The following STX7 variants were observed in gnomAD, a reference collection of about 807,000 sequenced individuals.
STX7 encodes the protein syntaxin 7.
Under a neutral mutation model 39.6 loss-of-function variants are expected in STX7, and 34 were observed. The ratio of observed to expected loss-of-function variants is 0.86; its 90% CI spans 0.65 to 1.14. The LOEUF (loss-of-function observed/expected upper bound fraction) is 1.14, where lower values mean the gene tolerates loss of function less well. STX7 is among the 50% of genes most tolerant of loss of function. The pLI is 0.00. For missense variants in STX7, 284 were observed against 310.4 expected, an observed-to-expected ratio of 0.92 and a Z score of 0.64; for synonymous variants, 119 against 99.1, an observed-to-expected ratio of 1.20 and a Z score of -1.19.
At position 132,460,684 on chromosome 6, in the gene STX7, TA is replaced by T. The variant is rs1242766966; in HGVS notation, c.*73del. On this transcript the variant is annotated 3_prime_UTR_variant, in exon 10 of 10. Transcript: ENST00000367941. ...TATACAATAGCTTTAAAATAATAAT[TA>T]AAAAAACATGATTACAGGAATCTTC... 4.2e-6 allele frequency: 5 copies of T among 1,184,128 alleles called. No individual in the cohort carries two copies. Among genetic ancestry groups the T allele is most frequent in the Non-Finnish European group, 6.1e-6 (5 of 826,064 alleles). The allele number at this position is 1,184,128 out of a possible 1,614,324, so 73.4% of individuals were successfully genotyped here.
Position 132,459,907 on chromosome 6 carries a change from A to G in STX7, c.*851T>C, listed in dbSNP as rs1440643590. The G allele has an allele frequency of 6.6e-6, 1 of 152,200 alleles. No individual in the cohort carries two copies. Among genetic ancestry groups the G allele is most frequent in the Non-Finnish European group, 1.5e-5 (1 of 68,036 alleles). 9.4% of individuals were successfully genotyped at this position (152,200 alleles called of 1,614,324 possible). A position where few individuals can be genotyped will look rare whatever the true frequency, so the allele number is the denominator to read the frequency against. Reference sequence around the variant, plus strand: ...ACCATTATTCTATAAGACATAAGGGAAGGTAAATAATGGCCCACAAAACCA... The same window carrying G: ...ACCATTATTCTATAAGACATAAGGGGAGGTAAATAATGGCCCACAAAACCA... On this transcript the variant is annotated 3_prime_UTR_variant, in exon 10 of 10. Coordinates refer to ENST00000367941, the MANE Select transcript of STX7 (RefSeq NM_003569.3).
At position 132,471,509 on chromosome 6, in the gene STX7, CGCTCAGCA is replaced by C; in HGVS notation, c.333_340del (p.Ala112ArgfsTer20). The C allele has an allele frequency of 6.2e-7, 1 of 1,614,016 alleles. No individual in the cohort carries two copies. Among genetic ancestry groups the C allele is most frequent in the Non-Finnish European group, 8.5e-7 (1 of 1,179,926 alleles). On this transcript the variant is annotated frameshift_variant, in exon 5 of 10. Transcript: ENST00000367941. LOFTEE classifies it high-confidence loss of function. Reference sequence around the variant, plus strand: ...TACTCGAGCAACAAACTCTTTCTCTCGCTCAGCAGCCTGCCTCTGGACCTTCTGGAAGT... The same window carrying C: ...TACTCGAGCAACAAACTCTTTCTCTCGCCTGCCTCTGGACCTTCTGGAAGT...
At chr6:132,485,074 G>C (rs1451662526) in intron 2 of STX7, among the ~76,000 whole-genome samples, 1 of 152,108 alleles carries the variant, frequency 6.6e-6, no homozygotes, top group Non-Finnish European at 1.5e-5. Flanking sequence ...TTACAAGTTT[G>C]GACATATGTG....
intron 1 of STX7, among the ~76,000 whole-genome samples, chr6:132,508,847 A>G (rs771011887): frequency 4.6e-5 from 7 of 152,174 alleles, no homozygotes; most frequent in Non-Finnish European, 8.8e-5. Flanking sequence ...GCAATTTGCA[A>G]AAGATAGAGA....
At chr6:132,463,444 C>G (rs1014781258) in intron 9 of STX7, among the ~76,000 whole-genome samples, 11 of 151,844 alleles carry the variant, frequency 7.2e-5, no homozygotes, top group South Asian at 4.2e-4. Flanking sequence ...ATGTGGACTC[C>G]CTATATTAAC....
rs1774366733 is a variant in STX7, at chr6:132,460,614, C to A, written c.*144G>T. 4 of 569,892 alleles carry A rather than the reference C, an allele frequency of 7.0e-6. No individual in the cohort carries two copies. The highest frequency in any genetic ancestry group is 3.7e-5 in the Admixed American group (1 of 27,170). The allele number at this position is 569,892 out of a possible 1,614,324, so 35.3% of individuals were successfully genotyped here. A position where few individuals can be genotyped will look rare whatever the true frequency, so the allele number is the denominator to read the frequency against. ...TATCAGATTTAATCCAAAGGAACCA[C>A]CCCAACCCCCCCAATAAAAATAACA... On this transcript the variant is annotated 3_prime_UTR_variant, in exon 10 of 10. Coordinates refer to ENST00000367941, the MANE Select transcript of STX7 (RefSeq NM_003569.3).
intron 2 of STX7, among the ~76,000 whole-genome samples, chr6:132,489,881 T>C (rs928912915): frequency 1.3e-5 from 2 of 152,230 alleles, no homozygotes; most frequent in African/African-American, 4.8e-5. Flanking sequence ...ATTTTAAAGC[T>C]ATTGTAGATT....
Position 132,460,200 on chromosome 6 carries a change from C to T in STX7, c.*558G>A, listed in dbSNP as rs3183732. On this transcript the variant is annotated 3_prime_UTR_variant, in exon 10 of 10. Coordinates refer to ENST00000367941, the MANE Select transcript of STX7 (RefSeq NM_003569.3). ...TCAAATAAACTAGAAAAGTATTCAC[C>T]GACTTCAGGGTAAAAAAGATCTTAA... is the stretch of plus-strand genomic sequence containing the variant. The T allele has an allele frequency of 0.32, 48,672 of 151,872 alleles. 8,537 individuals carry two copies. The highest frequency in any genetic ancestry group is 0.7 in the East Asian group (3,614 of 5,166). 9.4% of individuals were successfully genotyped at this position (151,872 alleles called of 1,614,324 possible).
At position 132,451,065 on chromosome 6, in the gene STX7, CTG is replaced by C. The variant is rs1774126112; in HGVS notation, c.*9691_*9692del. The C allele has an allele frequency of 6.7e-6, 1 of 150,370 alleles. No individual in the cohort carries two copies. The highest frequency in any genetic ancestry group is 1.5e-5 in the Non-Finnish European group (1 of 67,670). The allele number at this position is 150,370 out of a possible 1,614,324, so 9.3% of individuals were successfully genotyped here. A position where few individuals can be genotyped will look rare whatever the true frequency, so the allele number is the denominator to read the frequency against. ...ATAGGGACCAAAACAATTTAAAAAA[CTG>C]GATTTCTCATGGGGAACCATGAAAT... On this transcript the variant is annotated 3_prime_UTR_variant, in exon 10 of 10. Coordinates refer to ENST00000367941, the MANE Select transcript of STX7 (RefSeq NM_003569.3).
Position 132,504,948 on chromosome 6 carries a change from G to A in STX7, c.-58-1360C>T, listed in dbSNP as rs140075377. Among the ~76,000 whole-genome samples, 557 of 152,320 alleles carry A rather than the reference G, an allele frequency of 3.7e-3. 2 individuals carry two copies. Among genetic ancestry groups the A allele is most frequent in the African/African-American group, 0.012 (498 of 41,558 alleles). On this transcript the variant is annotated intron_variant, in intron 1 of 9. Coordinates refer to ENST00000367941, the MANE Select transcript of STX7 (RefSeq NM_003569.3). Reference sequence around the variant, plus strand: ...ACGTGGAAAGGCCACATGCAGTATGGTATTTACAAAAGGAAGGGAAGGTTC... The same window carrying A: ...ACGTGGAAAGGCCACATGCAGTATGATATTTACAAAAGGAAGGGAAGGTTC...
chr6:132,512,341 TTGTC>T (rs1371728597), intron 1 of STX7, among the ~76,000 whole-genome samples: 4 of 152,172 alleles, frequency 2.6e-5, no homozygotes, highest in African/African-American at 7.2e-5. Context: ...CTTTTTTTCT[TTGTC>T]TGAATTTAAA....
intron 2 of STX7, among the ~76,000 whole-genome samples, chr6:132,479,172 A>G (rs886836557): frequency 2.0e-5 from 3 of 152,196 alleles, no homozygotes; most frequent in Admixed American, 6.5e-5. Context: ...CTCAAGTACA[A>G]ATGAGAAACA....
At chr6:132,471,430 G>A in intron 5 of STX7, 33 bp downstream of exon 5, 1 of 1,595,674 alleles carries the variant, frequency 6.3e-7, no homozygotes, top group Non-Finnish European at 8.5e-7. Flanking sequence ...AAGTAACCAT[G>A]TTCATTTCTA....
At chr6:132,461,151 T>C (rs1215867208) in intron 9 of STX7, among the ~76,000 whole-genome samples, 3 of 152,190 alleles carry the variant, frequency 2.0e-5, no homozygotes, top group Non-Finnish European at 4.4e-5. Flanking sequence ...CTAAATAAGT[T>C]ACTGACTTAA....
intron 3 of STX7, 77 bp downstream of exon 3, chr6:132,475,516 C>T (rs1325403177): frequency 1.0e-6 from 1 of 995,258 alleles, no homozygotes; most frequent in South Asian, 1.7e-5. Context: ...ACATAATATA[C>T]TACATACTGT....
chr6:132,500,275 C>T (rs948673469), intron 2 of STX7, among the ~76,000 whole-genome samples: 3 of 152,222 alleles, frequency 2.0e-5, no homozygotes. Flanking sequence ...TCTAAACTTC[C>T]TGAACCACCT....
At chr6:132,510,850 C>T (rs1162244762) in intron 1 of STX7, among the ~76,000 whole-genome samples, 1 of 152,148 alleles carries the variant, frequency 6.6e-6, no homozygotes, top group African/African-American at 2.4e-5. Context: ...AAGGAATGAA[C>T]AAAAGGAATG....
At chr6:132,471,745 G>T in intron 4 of STX7, 145 bp from the exon 5 acceptor site, 1 of 904,792 alleles carries the variant, frequency 1.1e-6, no homozygotes, top group Non-Finnish European at 1.6e-6. Context: ...GTAACATTCT[G>T]ATAGTATGTC....
At chr6:132,474,840 T>C (rs992841723) in intron 3 of STX7, among the ~76,000 whole-genome samples, 2 of 152,226 alleles carry the variant, frequency 1.3e-5, no homozygotes, top group Non-Finnish European at 2.9e-5. Context: ...GAATATGTAC[T>C]ATATAATTCA....
Sources: allele counts gnomAD v4.1 joint callset (sites outside exome capture counted in the v4.1 genomes callset), GRCh38; gene constraint gnomAD v4.1.1; transcripts MANE v1.5; gene names NCBI Gene and HGNC (gene_info 2026-07-23, HGNC 2026-07-21).